The following DISP1 variants were observed in gnomAD, a reference collection of about 807,000 sequenced individuals.
DISP1 encodes protein dispatched homolog 1.
Under a neutral mutation model 37.3 loss-of-function variants are expected in DISP1, and 30 were observed. The observed-to-expected ratio is 0.80, with a 90% CI of 0.60 to 1.09. The LOEUF (loss-of-function observed/expected upper bound fraction) is 1.09. DISP1 is among the 50% of genes least tolerant of loss of function. The probability of loss-of-function intolerance (pLI) is 0.00; values close to 1 mark genes in which losing one functional copy is unlikely to be tolerated. For missense variants in DISP1, 1,598 were observed against 1,879.5 expected (o/e 0.85, Z 2.77); for synonymous variants, 634 against 690.2 (o/e 0.92, Z 1.28).
intron 1 of DISP1, among the ~76,000 whole-genome samples, chr1:222,842,334 G>A (rs917193866): frequency 4.7e-5 from 7 of 148,958 alleles, no homozygotes; most frequent in Non-Finnish European, 8.9e-5. Flanking sequence ...AAAAGGAATT[G>A]TCTGTTTTAT....
At chr1:222,891,499 T>C (rs1396601410) in intron 1 of DISP1, among the ~76,000 whole-genome samples, 2 of 152,126 alleles carry the variant, frequency 1.3e-5, no homozygotes, top group Non-Finnish European at 2.9e-5. Context: ...GAAGAATGCT[T>C]TTAGATGAGA....
chr1:222,873,579 C>T (rs562831515), intron 1 of DISP1, among the ~76,000 whole-genome samples: 13 of 151,908 alleles, frequency 8.6e-5, no homozygotes, highest in South Asian at 2.1e-4. Context: ...CTGTTTTATC[C>T]GAGACTAGGA....
chr1:222,939,365 T>C (rs969232328), intron 2 of DISP1, among the ~76,000 whole-genome samples: 1 of 147,938 alleles, frequency 6.8e-6, no homozygotes, highest in Non-Finnish European at 1.5e-5. Flanking sequence ...ATTTTTTTTT[T>C]TTTTTTTTTT....
At chr1:222,860,154 T>G (rs1168775170) in intron 1 of DISP1, among the ~76,000 whole-genome samples, 1 of 152,226 alleles carries the variant, frequency 6.6e-6, no homozygotes, top group African/African-American at 2.4e-5. Context: ...CCTCCCAGAT[T>G]CAAGTGATTC....
intron 2 of DISP1, among the ~76,000 whole-genome samples, chr1:222,932,496 C>A (rs1296517411): frequency 1.3e-5 from 2 of 151,860 alleles, no homozygotes; most frequent in Non-Finnish European, 2.9e-5. Context: ...TATAGGAGAA[C>A]TTTGTAGAAT....
chr1:222,967,526 G>C (rs2102623917), intron 3 of DISP1, among the ~76,000 whole-genome samples: 1 of 152,240 alleles, frequency 6.6e-6, no homozygotes, highest in East Asian at 1.9e-4. Context: ...CAAGATTATA[G>C]AAAGATTTAA....
intron 3 of DISP1, among the ~76,000 whole-genome samples, chr1:222,954,302 G>C (rs1438930339): frequency 6.6e-6 from 1 of 152,110 alleles, no homozygotes; most frequent in African/African-American, 2.4e-5. Flanking sequence ...AATATTCTGT[G>C]TTCTTTTCAG....
At chr1:222,968,386 C>T (rs1008530154) in intron 3 of DISP1, among the ~76,000 whole-genome samples, 1 of 152,112 alleles carries the variant, frequency 6.6e-6, no homozygotes, top group African/African-American at 2.4e-5. Flanking sequence ...TTTCTGTTAC[C>T]ACTGTTGTAG....
In DISP1 at chr1:222,887,491, T is replaced by G. The variant is rs995072069; in HGVS notation, c.-158-40939T>G. Reference sequence around the variant, plus strand: ...ATAAATGTCACATTGTTTTTGTTTTTTTTTTTTTTTTTTTTTTTGAGACGG... The same window carrying G: ...ATAAATGTCACATTGTTTTTGTTTTGTTTTTTTTTTTTTTTTTTGAGACGG... On this transcript the variant is annotated intron_variant, in intron 1 of 8. Transcript: ENST00000675850. Among the ~76,000 whole-genome samples, 29 of 108,460 alleles carry G rather than the reference T, an allele frequency of 2.7e-4. 2 individuals are homozygous for G. Among genetic ancestry groups the G allele is most frequent in the South Asian group, 1.3e-3 (4 of 3,166 alleles). The allele number at this position is 108,460 out of a possible 152,430, so 71.2% of individuals were successfully genotyped here. A position where few individuals can be genotyped will look rare whatever the true frequency, so the allele number is the denominator to read the frequency against.
intron 1 of DISP1, among the ~76,000 whole-genome samples, chr1:222,912,469 C>A (rs1672263113): frequency 6.6e-6 from 1 of 152,194 alleles, no homozygotes; most frequent in African/African-American, 2.4e-5. Context: ...TTATGTTCTT[C>A]CCACTATTTG....
intron 1 of DISP1, among the ~76,000 whole-genome samples, chr1:222,847,811 C>A (rs1668001395): frequency 6.6e-6 from 1 of 151,878 alleles, no homozygotes; most frequent in African/African-American, 2.4e-5. Flanking sequence ...TTGAATTAGC[C>A]CAATGGTTAA....
At chr1:222,905,211 C>A (rs1400168667) in intron 1 of DISP1, among the ~76,000 whole-genome samples, 1 of 152,106 alleles carries the variant, frequency 6.6e-6, no homozygotes, top group Non-Finnish European at 1.5e-5. Context: ...AGAAATATTT[C>A]TTCCCTTAAA....
chr1:222,940,898 C>T (rs763336769), intron 2 of DISP1, among the ~76,000 whole-genome samples: 12 of 152,180 alleles, frequency 7.9e-5, no homozygotes, highest in Non-Finnish European at 1.8e-4. Context: ...TTGATCTCAT[C>T]TAGTGATTGT....
chr1:222,995,229 G>A (rs1316266714), intron 8 of DISP1, among the ~76,000 whole-genome samples: 1 of 152,026 alleles, frequency 6.6e-6, no homozygotes, highest in African/African-American at 2.4e-5. Context: ...GGCTGTTGAT[G>A]GTGTTTTCTG....
chr1:222,852,005 A>G (rs938731164), intron 1 of DISP1, among the ~76,000 whole-genome samples: 1 of 151,998 alleles, frequency 6.6e-6, no homozygotes, highest in Non-Finnish European at 1.5e-5. Context: ...ACCAACATGG[A>G]GAAACCCCAT....
At chr1:222,918,003 A>T (rs1335710282) in intron 1 of DISP1, among the ~76,000 whole-genome samples, 1 of 152,236 alleles carries the variant, frequency 6.6e-6, no homozygotes, top group African/African-American at 2.4e-5. Context: ...TTCCCCTCTC[A>T]ACAGAAAAAA....
chr1:222,918,526 T>C (rs2609392), intron 1 of DISP1, among the ~76,000 whole-genome samples: 87,224 of 151,892 alleles, frequency 0.57, 25,281 homozygotes, highest in South Asian at 0.71. Context: ...CCCTTCTCCA[T>C]GAAAGGAGAG....
chr1:222,943,577 G>A (rs918097989), intron 3 of DISP1: 1 of 583,554 alleles, frequency 1.7e-6, no homozygotes, highest in Admixed American at 3.1e-5. Context: ...AACTGGTTAG[G>A]AATATCTGCT....
intron 2 of DISP1, among the ~76,000 whole-genome samples, chr1:222,939,259 A>G (rs1361212444): frequency 1.3e-5 from 2 of 152,162 alleles, no homozygotes; most frequent in Admixed American, 6.5e-5. Context: ...GCTGGCATAT[A>G]AGAATCTATT....
Sources: allele counts gnomAD v4.1 joint callset (sites outside exome capture counted in the v4.1 genomes callset), GRCh38; gene constraint gnomAD v4.1.1; transcripts MANE v1.5; gene names NCBI Gene and HGNC (gene_info 2026-07-23, HGNC 2026-07-21).